The following AGBL4 variants were observed in gnomAD, a reference collection of about 807,000 sequenced individuals.
The protein encoded by AGBL4 is cytosolic carboxypeptidase 6.
A neutral mutation model predicts 66.4 loss-of-function variants in AGBL4; 58 were observed. The ratio of observed to expected loss-of-function variants is 0.87; its 90% CI spans 0.71 to 1.09. AGBL4 has a LOEUF of 1.09. Among genes scored for constraint, AGBL4 ranks in the 50% least tolerant of loss-of-function variants. The pLI, the probability that AGBL4 is intolerant of heterozygous loss-of-function variation, is 0.00. For missense variants in AGBL4, 579 were observed against 631.0 expected (o/e 0.92, Z 0.88); for synonymous variants, 234 against 222.9 (o/e 1.05, Z -0.44).
At chr1:49,533,118 A>T (rs1651269462) in intron 3 of AGBL4, among the ~76,000 whole-genome samples, 1 of 152,052 alleles carries the variant, frequency 6.6e-6, no homozygotes, top group Non-Finnish European at 1.5e-5. Context: ...GTGGCTTCTG[A>T]TCCTCTTTAT....
At chr1:49,581,528 T>C (rs558018773) in intron 3 of AGBL4, among the ~76,000 whole-genome samples, 1 of 152,290 alleles carries the variant, frequency 6.6e-6, no homozygotes, top group African/African-American at 2.4e-5. Context: ...ACTATGATGA[T>C]GGTTGAATGG....
At chr1:49,159,558 G>A (rs1246337454) in intron 4 of AGBL4, among the ~76,000 whole-genome samples, 1 of 152,068 alleles carries the variant, frequency 6.6e-6, no homozygotes, top group Non-Finnish European at 1.5e-5. Context: ...CTCTTCTCGA[G>A]GAATATCTTT....
intron 6 of AGBL4, among the ~76,000 whole-genome samples, chr1:48,834,508 G>A (rs1182200513): frequency 2.6e-5 from 4 of 152,040 alleles, no homozygotes; most frequent in Non-Finnish European, 5.9e-5. Context: ...GTTTACATGA[G>A]GCTATGAGAG....
intron 6 of AGBL4, among the ~76,000 whole-genome samples, chr1:48,678,071 C>T (rs780282269): frequency 1.3e-5 from 2 of 152,164 alleles, no homozygotes; most frequent in East Asian, 1.9e-4. Context: ...CGAAGTACCT[C>T]GGGAGCTCTG....
chr1:50,004,036 G>A (rs1660954934), intron 1 of AGBL4, among the ~76,000 whole-genome samples: 1 of 152,174 alleles, frequency 6.6e-6, no homozygotes, highest in South Asian at 2.1e-4. Context: ...CTCAAGAGAA[G>A]AGGAAAAATA....
chr1:48,568,981 C>A (rs1236673352), intron 11 of AGBL4, among the ~76,000 whole-genome samples: 2 of 152,204 alleles, frequency 1.3e-5, no homozygotes, highest in Non-Finnish European at 2.9e-5. Context: ...TGCTCAGAAA[C>A]TTTTTGTTAA....
At chr1:48,675,430 A>G (rs1466753144) in intron 6 of AGBL4, among the ~76,000 whole-genome samples, 1 of 152,236 alleles carries the variant, frequency 6.6e-6, no homozygotes, top group Non-Finnish European at 1.5e-5. Context: ...AGCTGTGTCA[A>G]AATGTCCGCA....
intron 3 of AGBL4, among the ~76,000 whole-genome samples, chr1:49,380,108 G>C (rs926488499): frequency 6.6e-6 from 1 of 151,964 alleles, no homozygotes; most frequent in East Asian, 1.9e-4. Context: ...AACCCCATTG[G>C]CTCAGCCCAA....
intron 5 of AGBL4, among the ~76,000 whole-genome samples, chr1:49,022,278 G>A (rs926271622): frequency 6.6e-6 from 1 of 150,622 alleles, no homozygotes; most frequent in Non-Finnish European, 1.5e-5. Flanking sequence ...CAAGAATCCA[G>A]AATTCAATAA....
At position 49,427,193 on chromosome 1, in the gene AGBL4, G is replaced by T. The variant is rs375519339; in HGVS notation, c.283-181329C>A. Among the ~76,000 whole-genome samples, 292 of 152,224 alleles carry T rather than the reference G, an allele frequency of 1.9e-3. 2 individuals carry two copies. Among genetic ancestry groups the T allele is most frequent in the South Asian group, 0.01 (49 of 4,822 alleles). On this transcript the variant is annotated intron_variant, in intron 3 of 13. Coordinates refer to ENST00000371839, the MANE Select transcript of AGBL4 (RefSeq NM_032785.4). ...TTGACATATGCAATATATTGCTATT[G>T]ACAACCACAAGTCCTTCAGAGAAAG...
At chr1:49,116,165 C>T (rs188839014) in intron 4 of AGBL4, among the ~76,000 whole-genome samples, 7 of 152,038 alleles carry the variant, frequency 4.6e-5, no homozygotes, top group South Asian at 2.1e-4. Flanking sequence ...TATAAAAATT[C>T]GATATATTAA....
rs1177727916 is a variant in AGBL4 at position 49,078,230 on chromosome 1, G to C, written c.378-32430C>G. Among the ~76,000 whole-genome samples the C allele has an allele frequency of 2.6e-5, 4 of 152,156 alleles. No individual in the cohort carries two copies. In the East Asian group the frequency reaches 7.7e-4, roughly 29 times the overall value. On this transcript the variant is annotated intron_variant, in intron 4 of 13. Transcript: ENST00000371839. ...AGAGAAGCAGGGAGAATGAGCTCCT[G>C]AAAGGCCTAGAATATGTCCTATCTC...
intron 3 of AGBL4, among the ~76,000 whole-genome samples, chr1:49,347,605 A>T (rs1645659673): frequency 6.6e-6 from 1 of 151,914 alleles, no homozygotes; most frequent in African/African-American, 2.4e-5. Flanking sequence ...CACGCCTGTA[A>T]TCCCAGCACG....
chr1:48,628,963 C>G (rs1237820468), intron 9 of AGBL4, among the ~76,000 whole-genome samples: 1 of 86,160 alleles, frequency 1.2e-5, no homozygotes, highest in Non-Finnish European at 2.7e-5. Context: ...TTGTAAGCTT[C>G]TCCCGACTGG....
At chr1:49,391,563 GTTTTTT>G (rs368616423) in intron 3 of AGBL4, among the ~76,000 whole-genome samples, 1 of 114,232 alleles carries the variant, frequency 8.8e-6, no homozygotes, top group African/African-American at 3.3e-5. Flanking sequence ...TTTTTTTTTT[GTTTTTT>G]TTTTTTTTTG....
chr1:49,815,770 T>C (rs1645216276), intron 2 of AGBL4, among the ~76,000 whole-genome samples: 1 of 152,202 alleles, frequency 6.6e-6, no homozygotes, highest in Non-Finnish European at 1.5e-5. Flanking sequence ...TGATCAATGA[T>C]ATTGAATACC....
At chr1:49,742,506 C>T (rs891479818) in intron 2 of AGBL4, among the ~76,000 whole-genome samples, 4 of 151,648 alleles carry the variant, frequency 2.6e-5, no homozygotes, top group African/African-American at 9.7e-5. Context: ...AATGCCATCC[C>T]CATCAAGCTA....
intron 4 of AGBL4, among the ~76,000 whole-genome samples, chr1:49,075,613 T>A (rs1644694979): frequency 6.6e-6 from 1 of 152,204 alleles, no homozygotes; most frequent in African/African-American, 2.4e-5. Flanking sequence ...AGTGCCATTC[T>A]ATAAAAGCAA....
Position 48,947,448 on chromosome 1 carries a change from C to T in AGBL4, c.595-80218G>A, listed in dbSNP as rs368295231. Among the ~76,000 whole-genome samples, 113 of 152,202 alleles carry T rather than the reference C, an allele frequency of 7.4e-4. No homozygotes were observed. The South Asian group carries it at 7.7e-3, about 10-fold the overall frequency. On this transcript the variant is annotated intron_variant, in intron 5 of 13. Transcript: ENST00000371839. Reference sequence around the variant, plus strand: ...GAGAATGGGAGAGGGCAGCATTCACCTTTCTCTTTGGTTACACTTTCAGGC... The same window carrying T: ...GAGAATGGGAGAGGGCAGCATTCACTTTTCTCTTTGGTTACACTTTCAGGC...
Sources: gnomAD v4.1 joint callset for allele counts (sites outside exome capture counted in the v4.1 genomes callset) on GRCh38, gnomAD v4.1.1 for gene constraint, MANE v1.5 for transcripts, NCBI Gene and HGNC (gene_info 2026-07-23, HGNC 2026-07-21) for gene names.